Variants in AUNIP observed in about 807,000 individuals in gnomAD.
The protein encoded by AUNIP is aurora kinase A and ninein interacting protein.
A neutral mutation model predicts 12.2 loss-of-function variants in AUNIP; 16 were observed. The observed-to-expected ratio is 1.31, with a 90% CI of 0.88 to 1.99. The LOEUF (loss-of-function observed/expected upper bound fraction) is 1.99. AUNIP is among the 30% of genes most tolerant of loss of function. AUNIP has a pLI of 0.00. For synonymous variants in AUNIP, 142 were observed against 154.8 expected (o/e 0.92, Z 0.61); for missense variants, 411 against 419.1 (o/e 0.98, Z 0.17).
intron 1 of AUNIP, among the ~76,000 whole-genome samples, chr1:25,859,046 C>G (rs533398592): frequency 6.6e-6 from 1 of 152,234 alleles, no homozygotes; most frequent in South Asian, 2.1e-4. Context: ...GCGCACCGCT[C>G]CTCCAGACCC....
At chr1:25,843,944 T>C (rs1249320269) in intron 1 of AUNIP, among the ~76,000 whole-genome samples, 1 of 152,182 alleles carries the variant, frequency 6.6e-6, no homozygotes, top group African/African-American at 2.4e-5. Flanking sequence ...ACAAAAAATT[T>C]AGAATATTAC....
At chr1:25,855,164 C>T (rs866616265) in intron 1 of AUNIP, among the ~76,000 whole-genome samples, 1 of 151,896 alleles carries the variant, frequency 6.6e-6, no homozygotes, top group African/African-American at 2.4e-5. Flanking sequence ...ACCATGTTGG[C>T]CAGGCTTAGA....
chr1:25,852,459 TG>T (rs1353988648), intron 1 of AUNIP, among the ~76,000 whole-genome samples: 2,407 of 130,530 alleles, frequency 0.018, 149 homozygotes, highest in African/African-American at 0.058. Flanking sequence ...TTTTTTTTTT[TG>T]TTGTTTTTTT....
chr1:25,833,831 G>A (rs2048275082), downstream of AUNIP, among the ~76,000 whole-genome samples: 1 of 151,674 alleles, frequency 6.6e-6, no homozygotes, highest in South Asian at 2.1e-4. Flanking sequence ...CTTAGAGGTT[G>A]TTTAAGCCTC....
rs561793782 is a variant in AUNIP, at chr1:25,850,917, T to C, written c.78+8363A>G. Among the ~76,000 whole-genome samples, 19 of 152,344 alleles carry C rather than the reference T, an allele frequency of 1.2e-4. No individual in the cohort carries two copies. In the South Asian group the frequency reaches 3.7e-3, roughly 30 times the overall value. ...GCTAAATTTCCCTGCATAAAATCTC[T>C]AGTGCAATGGTAAACAGAGTGGCAA... On this transcript the variant is annotated intron_variant, in intron 1 of 2. Transcript: ENST00000374298.
chr1:25,838,750 T>C (rs1165370703), intron 1 of AUNIP, among the ~76,000 whole-genome samples: 1 of 152,220 alleles, frequency 6.6e-6, no homozygotes, highest in Non-Finnish European at 1.5e-5. Flanking sequence ...CTCATCCTTA[T>C]TTAATGTGAT....
chr1:25,850,121 T>TCATA (rs1206450447), intron 1 of AUNIP, among the ~76,000 whole-genome samples: 2 of 152,088 alleles, frequency 1.3e-5, no homozygotes, highest in African/African-American at 4.8e-5. Flanking sequence ...GGTATATGAA[T>TCATA]CATATCTCAA....
chr1:25,844,074 AAGG>A (rs768120667), intron 1 of AUNIP, among the ~76,000 whole-genome samples: 9 of 152,184 alleles, frequency 5.9e-5, no homozygotes, highest in Non-Finnish European at 1.0e-4. Flanking sequence ...TCTTCCATGA[AAGG>A]AAGAGTCATC....
chr1:25,859,378 C>T lies in AUNIP; in HGVS notation c.-21G>A. On this transcript the variant is annotated 5_prime_UTR_variant, in exon 1 of 3. Transcript: ENST00000374298. ...CTCATGGCCGCTGAGGAGACGAAGC[C>T]GGCAGGACGCCGGCGCAGGCTCCCG... is the stretch of plus-strand genomic sequence containing the variant. The T allele has an allele frequency of 1.3e-6, 2 of 1,493,718 alleles. No individual in the cohort carries two copies. 92.5% of individuals were successfully genotyped at this position (1,493,718 alleles called of 1,614,324 possible).
chr1:25,832,561 G>GTAGA, downstream of AUNIP: 1 of 201,128 alleles, frequency 5.0e-6, no homozygotes, highest in East Asian at 1.1e-4. Flanking sequence ...TTGTCTAGAT[G>GTAGA]TAGAGGTCAG....
intron 1 of AUNIP, among the ~76,000 whole-genome samples, chr1:25,841,586 C>A (rs1023283790): frequency 1.3e-5 from 2 of 151,574 alleles, no homozygotes; most frequent in African/African-American, 4.9e-5. Flanking sequence ...TGCAGTGGCA[C>A]GATCTCGGCT....
At chr1:25,832,654 A>C, downstream of AUNIP, 2 of 162,806 alleles carry the variant, frequency 1.2e-5, no homozygotes, top group East Asian at 3.3e-4. Context: ...ATTACTGAAC[A>C]ACCAAATCTA....
intron 1 of AUNIP, among the ~76,000 whole-genome samples, chr1:25,841,973 G>A (rs1476011159): frequency 6.6e-6 from 1 of 152,052 alleles, no homozygotes; most frequent in East Asian, 1.9e-4. Flanking sequence ...CTCTCCTTGG[G>A]CTGCCCTATT....
chr1:25,835,985 AG>A, intron 2 of AUNIP, 139 bp from the exon 3 acceptor site: 9 of 1,313,014 alleles, frequency 6.9e-6, no homozygotes, highest in Non-Finnish European at 8.2e-6. Flanking sequence ...ATAACTTTGT[AG>A]CCAATCTTCC....
chr1:25,855,636 C>T (rs1488573910), intron 1 of AUNIP, among the ~76,000 whole-genome samples: 1 of 152,190 alleles, frequency 6.6e-6, no homozygotes, highest in Non-Finnish European at 1.5e-5. Flanking sequence ...ACAAACTACT[C>T]ATTCTCTCAA....
At chr1:25,840,362 A>G (rs973544456) in intron 1 of AUNIP, among the ~76,000 whole-genome samples, 6 of 152,222 alleles carry the variant, frequency 3.9e-5, no homozygotes, top group Non-Finnish European at 7.3e-5. Context: ...AAAAGGAAGA[A>G]GCAAAGTCTT....
At chr1:25,843,178 A>AT (rs2048357232) in intron 1 of AUNIP, among the ~76,000 whole-genome samples, 2 of 136,938 alleles carry the variant, frequency 1.5e-5, no homozygotes, top group Admixed American at 1.4e-4. Flanking sequence ...ATCTCAAAAA[A>AT]AAAAAAAATA....
intron 1 of AUNIP, among the ~76,000 whole-genome samples, chr1:25,840,674 CATG>C (rs2124500197): frequency 6.6e-6 from 1 of 152,290 alleles, no homozygotes; most frequent in South Asian, 2.1e-4. Context: ...AAACACCATA[CATG>C]ATTTCCAAAA....
chr1:25,852,459 TGTTG>T (rs781244301), intron 1 of AUNIP, among the ~76,000 whole-genome samples: 3,164 of 130,396 alleles, frequency 0.024, 88 homozygotes, highest in Non-Finnish European at 0.04. Context: ...TTTTTTTTTT[TGTTG>T]TTTTTTTTTT....
Sources: allele counts gnomAD v4.1 joint callset (sites outside exome capture counted in the v4.1 genomes callset), GRCh38; gene constraint gnomAD v4.1.1; transcripts MANE v1.5; gene names NCBI Gene and HGNC (gene_info 2026-07-23, HGNC 2026-07-21).